TBC1D19: variants seen among roughly 807,000 people sequenced by gnomAD.
TBC1D19 encodes the protein TBC1 domain family, member 19.
A neutral mutation model predicts 89.0 loss-of-function variants in TBC1D19; 60 were observed. That is an observed-to-expected ratio of 0.67 (90% CI 0.55 to 0.84). TBC1D19 has a LOEUF of 0.84. Among genes scored for constraint, TBC1D19 ranks in the 40% least tolerant of loss-of-function variants. The pLI, the probability that TBC1D19 is intolerant of heterozygous loss-of-function variation, is 0.00. For missense variants in TBC1D19, 500 were observed against 610.8 expected, an observed-to-expected ratio of 0.82 and a Z score of 1.91; for synonymous variants, 189 against 199.7, an observed-to-expected ratio of 0.95 and a Z score of 0.45.
chr4:26,632,392 A>C (rs867386239), intron 4 of TBC1D19, among the ~76,000 whole-genome samples: 22 of 151,478 alleles, frequency 1.5e-4, no homozygotes, highest in African/African-American at 5.1e-4. Context: ...TATTCTTATA[A>C]TAAGGAATAC....
At chr4:26,601,169 A>G (rs1180724973) in intron 1 of TBC1D19, among the ~76,000 whole-genome samples, 1 of 152,036 alleles carries the variant, frequency 6.6e-6, no homozygotes, top group African/African-American at 2.4e-5. Flanking sequence ...AGAGAGACAT[A>G]TATAAGCAAT....
intron 13 of TBC1D19, among the ~76,000 whole-genome samples, chr4:26,716,770 C>T (rs1041939103): frequency 6.6e-6 from 1 of 151,854 alleles, no homozygotes; most frequent in African/African-American, 2.4e-5. Context: ...ATGGCTGTTT[C>T]CCCTTTTGTT....
At chr4:26,842,340 C>CTTTTTTTTTTTTTTTTTTTTTTT in the TBC1D19 span, among the ~76,000 whole-genome samples, 50 of 81,580 alleles carry the variant, frequency 6.1e-4, no homozygotes, top group Admixed American at 8.6e-4. Context: ...CTTTTCTTTT[C>CTTTTTTTTTTTTTTTTTTTTTTT]TTTTTTTTTT....
chr4:26,820,502 ATGT>A, the TBC1D19 span, among the ~76,000 whole-genome samples: 1 of 152,182 alleles, frequency 6.6e-6, no homozygotes, highest in Non-Finnish European at 1.5e-5. Context: ...CAGTTCCATC[ATGT>A]TGTTGTGAAT....
At position 26,598,683 on chromosome 4, in the gene TBC1D19, C is replaced by T. The variant is rs751373482; in HGVS notation, c.99+14391C>T. Among the ~76,000 whole-genome samples the T allele has an allele frequency of 7.4e-4, 113 of 152,294 alleles. No individual in the cohort carries two copies. The Middle Eastern group carries it at 0.017, about 23-fold the overall frequency. ...TGCTGGGATTACAGGCGTGAGCCAC[C>T]GCGCCCGGCCCTAAATATACTTCTG... On this transcript the variant is annotated intron_variant, in intron 1 of 20. Transcript: ENST00000264866.
intron 7 of TBC1D19, among the ~76,000 whole-genome samples, chr4:26,652,634 A>G (rs768344756): frequency 6.6e-6 from 1 of 151,846 alleles, no homozygotes; most frequent in Non-Finnish European, 1.5e-5. Context: ...TTTCTTCTAG[A>G]TTTTTCTAGT....
Position 26,657,708 on chromosome 4 carries a change from T to C in TBC1D19, c.481-1889T>C, listed in dbSNP as rs896291602. 4.6e-5 allele frequency among the ~76,000 whole-genome samples: 7 copies of C among 152,232 alleles called. No homozygotes were observed. In the South Asian group the frequency reaches 1.2e-3, roughly 27 times the overall value. On this transcript the variant is annotated intron_variant, in intron 7 of 20. Coordinates refer to ENST00000264866, the MANE Select transcript of TBC1D19 (RefSeq NM_018317.4). ...CTAGTTTACACTCCCACCAACAGTG[T>C]AAAAGCATTCCTATTTCTCCACATC...
the TBC1D19 span, among the ~76,000 whole-genome samples, chr4:26,783,566 T>TA: frequency 0.13 from 19,334 of 151,996 alleles, 2,164 homozygotes; most frequent in African/African-American, 0.3. Flanking sequence ...GCACATTTTT[T>TA]AAAAAAAAGA....
chr4:26,645,212 A>G (rs889390776), intron 7 of TBC1D19, among the ~76,000 whole-genome samples: 1 of 152,198 alleles, frequency 6.6e-6, no homozygotes, highest in Non-Finnish European at 1.5e-5. Context: ...TCCTAAACAA[A>G]AAGAACAAAG....
At chr4:26,683,934 C>G (rs533011038) in intron 12 of TBC1D19, among the ~76,000 whole-genome samples, 185 bp downstream of exon 12, 2 of 152,250 alleles carry the variant, frequency 1.3e-5, no homozygotes, top group African/African-American at 4.8e-5. Flanking sequence ...TCTCTGTTAT[C>G]TTCTTTCCCT....
chr4:26,659,756 G>A, intron 8 of TBC1D19, 49 bp downstream of exon 8: 1 of 1,279,556 alleles, frequency 7.8e-7, no homozygotes, highest in Non-Finnish European at 1.1e-6. Flanking sequence ...ATAACCATTA[G>A]AAAAATGTTT....
At position 26,740,748 on chromosome 4, in the gene TBC1D19, T is replaced by G. The variant is rs1216146409; in HGVS notation, c.1227+775T>G. The G allele has an allele frequency of 5.1e-6, 5 of 985,272 alleles. No individual in the cohort carries two copies. In the African/African-American group the frequency reaches 8.7e-5, roughly 17 times the overall value. The allele number at this position is 985,272 out of a possible 1,614,324, so 61.0% of individuals were successfully genotyped here. A position where few individuals can be genotyped will look rare whatever the true frequency, so the allele number is the denominator to read the frequency against. Reference sequence around the variant, plus strand: ...TGCTACTCCAGGTGAAACATTCAATTGGAATATATGTCAGGGCTACTAAAT... The same window carrying G: ...TGCTACTCCAGGTGAAACATTCAATGGGAATATATGTCAGGGCTACTAAAT... On this transcript the variant is annotated intron_variant, in intron 17 of 20. Coordinates refer to ENST00000264866, the MANE Select transcript of TBC1D19 (RefSeq NM_018317.4).
the TBC1D19 span, among the ~76,000 whole-genome samples, chr4:26,818,067 G>A: frequency 6.6e-6 from 1 of 150,966 alleles, no homozygotes; most frequent in Non-Finnish European, 1.5e-5. Flanking sequence ...GTGGTTTGAA[G>A]TCCAGGCACC....
chr4:26,662,998 CTG>C (rs1403305894), intron 8 of TBC1D19: 2 of 152,086 alleles, frequency 1.3e-5, no homozygotes, highest in African/African-American at 2.4e-5. Flanking sequence ...AGGACAAAGG[CTG>C]TACAACTGGA....
downstream of TBC1D19, among the ~76,000 whole-genome samples, chr4:26,758,701 CCCAGATCGTGCTGCA>C (rs1719355871): frequency 2.0e-5 from 3 of 152,096 alleles, no homozygotes; most frequent in Admixed American, 2.0e-4. Context: ...CTTGTTGATC[CCCAGATCGTGCTGCA>C]CCAGTCTACC....
intron 1 of TBC1D19, among the ~76,000 whole-genome samples, chr4:26,606,748 G>A (rs1483510463): frequency 6.6e-6 from 1 of 152,154 alleles, no homozygotes; most frequent in African/African-American, 2.4e-5. Flanking sequence ...GGCATAGAAT[G>A]ATGAAGTTCA....
chr4:26,791,528 A>T, the TBC1D19 span, among the ~76,000 whole-genome samples: 1 of 152,192 alleles, frequency 6.6e-6, no homozygotes, highest in Non-Finnish European at 1.5e-5. Flanking sequence ...ACAGCCTGAA[A>T]TGGCAAAGGC....
chr4:26,639,644 G>A (rs1056376274), intron 6 of TBC1D19, among the ~76,000 whole-genome samples: 2 of 152,066 alleles, frequency 1.3e-5, no homozygotes, highest in Admixed American at 1.3e-4. Context: ...GCCTATAATT[G>A]TATAGACAGA....
At position 26,735,318 on chromosome 4, in the gene TBC1D19, T is replaced by A. The variant is rs1177083487; in HGVS notation, c.1085-137T>A. 3 of 644,378 alleles carry A rather than the reference T, an allele frequency of 4.7e-6. No individual in the cohort carries two copies. In the African/African-American group the frequency reaches 5.8e-5, roughly 12 times the overall value. 39.9% of individuals were successfully genotyped at this position (644,378 alleles called of 1,614,324 possible). ...ATATCTCTTTATTGTTTACTATCAC[T>A]AAGTCTTTCTGACATTTATGAACAG... is the stretch of plus-strand genomic sequence containing the variant. On this transcript the variant is annotated intron_variant, in intron 15 of 20. Transcript: ENST00000264866.
Sources: gnomAD v4.1 joint callset for allele counts (sites outside exome capture counted in the v4.1 genomes callset) on GRCh38, gnomAD v4.1.1 for gene constraint, MANE v1.5 for transcripts, NCBI Gene and HGNC (gene_info 2026-07-23, HGNC 2026-07-21) for gene names.